Variants in ASB9 observed in about 807,000 individuals in gnomAD.
ASB9 encodes ankyrin repeat and SOCS box containing 9.
Under a neutral mutation model 16.6 loss-of-function variants are expected in ASB9, and 5 were observed. That is an observed-to-expected ratio of 0.30 (90% CI 0.16 to 0.63). The LOEUF (loss-of-function observed/expected upper bound fraction) is 0.63. ASB9 is among the 30% of genes least tolerant of loss of function. The pLI is 0.82. For synonymous variants in ASB9, 100 were observed against 86.4 expected (o/e 1.16, Z -0.87); for missense variants, 216 against 229.4 (o/e 0.94, Z 0.38).
chrX:15,265,184 T>C (rs766059602), intron 1 of ASB9, among the ~76,000 whole-genome samples: 2 of 111,691 alleles, frequency 1.8e-5, no homozygotes, highest in African/African-American at 6.5e-5. Flanking sequence ...TTCTGAGGTA[T>C]CTGGCTTCTA....
At chrX:15,245,774 G>A (rs1363524228) in intron 6 of ASB9, among the ~76,000 whole-genome samples, 2 of 112,060 alleles carry the variant, frequency 1.8e-5, no homozygotes, top group African/African-American at 6.5e-5. Flanking sequence ...AAAGGATACT[G>A]TGGTCTCTAT....
rs766303418 is a variant in ASB9, at chrX:15,256,114, T to C, written c.175-1270A>G. ...CTAGGAATGGTTTCTACATTTTTAA[T>C]GGTTTAAAAGAAATCAAAGGAATAT... is the stretch of plus-strand genomic sequence containing the variant. On this transcript the variant is annotated intron_variant, in intron 2 of 6. Transcript: ENST00000380488. 2.7e-5 allele frequency among the ~76,000 whole-genome samples: 3 copies of C among 110,941 alleles called. No individual in the cohort carries two copies. In the East Asian group the frequency reaches 8.5e-4, roughly 31 times the overall value.
chrX:15,250,678 A>G, intron 4 of ASB9, 114 bp from the exon 5 acceptor site: 1 of 643,314 alleles, frequency 1.6e-6, no homozygotes, highest in Non-Finnish European at 2.3e-6. Flanking sequence ...GGGGACCAAA[A>G]AGCTATTTCC....
chrX:15,252,353 T>C lies in ASB9; in HGVS notation c.334A>G (p.Ser112Gly), dbSNP rs1014376815. 1.7e-6 allele frequency: 2 copies of C among 1,209,655 alleles called. No individual in the cohort carries two copies. The highest frequency in any genetic ancestry group is 2.2e-6 in the Non-Finnish European group (2 of 895,051). The change falls in exon 4 of 7, where the codon AGC becomes GGC. Residue 112 changes from serine (S) to glycine (G), a missense_variant. Transcript: ENST00000380488. ...AAATTCACACAATCCCAGCTGCCGCTGACACAAGCATTAAACAGTGGAGTG... is the reference window on the plus strand; with the variant it reads ...AAATTCACACAATCCCAGCTGCCGCCGACACAAGCATTAAACAGTGGAGTG... ...WHTPLFNACVSGSWDCVNLLL... is the reference protein window; with the variant it reads ...WHTPLFNACVGGSWDCVNLLL...
chrX:15,247,288 C>T (rs747592956), intron 6 of ASB9, among the ~76,000 whole-genome samples: 7 of 112,005 alleles, frequency 6.2e-5, no homozygotes, highest in African/African-American at 1.9e-4. Context: ...GCAAATGACA[C>T]CTCATAAACT....
chrX:15,262,782 C>G (rs1034485372), intron 1 of ASB9, among the ~76,000 whole-genome samples: 1 of 111,751 alleles, frequency 8.9e-6, no homozygotes, highest in Non-Finnish European at 1.9e-5. Flanking sequence ...CAGGTGCACA[C>G]CATCACACTC....
intron 1 of ASB9, among the ~76,000 whole-genome samples, chrX:15,259,610 G>A (rs1397248745): frequency 1.8e-5 from 2 of 112,420 alleles, no homozygotes; most frequent in Non-Finnish European, 3.8e-5. Context: ...GAAAGGCCCA[G>A]TGCCGCAGTT....
At chrX:15,266,182 G>A (rs1043326512) in intron 1 of ASB9, among the ~76,000 whole-genome samples, 10 of 111,054 alleles carry the variant, frequency 9.0e-5, no homozygotes, top group African/African-American at 2.9e-4. Context: ...CAAGTGATCC[G>A]CCCACCTCAG....
chrX:15,260,204 G>A (rs1367176193), intron 1 of ASB9, among the ~76,000 whole-genome samples: 2 of 112,048 alleles, frequency 1.8e-5, no homozygotes. Context: ...TTCGAGACCA[G>A]CCTTGCAACA....
Position 15,268,209 on chromosome X carries a change from A to G in ASB9, c.94+1572T>C, listed in dbSNP as rs1052713920. On this transcript the variant is annotated intron_variant, in intron 1 of 6. Transcript: ENST00000380488. ...TAGCCGGGTGTGGTGGCGGGCGCTT[A>G]TAATCCCAGCTACTCGGGAGGCTGA... is the stretch of plus-strand genomic sequence containing the variant. 6.5e-5 allele frequency among the ~76,000 whole-genome samples: 7 copies of G among 107,316 alleles called. No homozygotes were observed. In the East Asian group the frequency reaches 2.2e-3, roughly 33 times the overall value. The allele number at this position is 107,316 out of a possible 115,157, so 93.2% of individuals were successfully genotyped here.
At chrX:15,258,842 T>G in intron 2 of ASB9, 24 bp downstream of exon 2, 1 of 1,149,803 alleles carries the variant, frequency 8.7e-7, no homozygotes, top group Non-Finnish European at 1.2e-6. Context: ...AGGTTTCTTC[T>G]GTATTGTATT....
chrX:15,246,264 A>C (rs1924658836), intron 6 of ASB9, among the ~76,000 whole-genome samples: 1 of 111,915 alleles, frequency 8.9e-6, no homozygotes, highest in South Asian at 3.8e-4. Context: ...GCTGCTGTTT[A>C]CTACAAGTAA....
chrX:15,269,782 G>A lies in ASB9; in HGVS notation c.93C>T (p.Gly31=), dbSNP rs772202884. 1.7e-6 allele frequency: 2 copies of A among 1,204,388 alleles called. No homozygotes were observed. The highest frequency in any genetic ancestry group is 1.8e-5 in the South Asian group (1 of 55,732). ...GIRLLSNPLM[G]DAVSDWSPMH... ...GATTCCACTGCCCCTATGACTCACC[G>A]CCCATCAATGGGTTTGAAAGAAGCC... Residue 31 remains glycine, a splice_region_variant and synonymous_variant, in exon 1 of 7, where the codon GGC becomes GGT. Coordinates refer to ENST00000380488, the MANE Select transcript of ASB9 (RefSeq NM_001031739.3).
intron 6 of ASB9, among the ~76,000 whole-genome samples, chrX:15,246,362 A>AAT (rs769786466): frequency 8.9e-6 from 1 of 112,592 alleles, no homozygotes; most frequent in South Asian, 3.7e-4. Flanking sequence ...GGCACCTGCA[A>AAT]ATATTCAAGG....
At chrX:15,255,835 T>C (rs1925488479) in intron 2 of ASB9, among the ~76,000 whole-genome samples, 1 of 112,068 alleles carries the variant, frequency 8.9e-6, no homozygotes, top group Non-Finnish European at 1.9e-5. Context: ...TGTACTTTCT[T>C]ATTTTAGGAA....
chrX:15,263,346 A>G (rs1926123670), intron 1 of ASB9, among the ~76,000 whole-genome samples: 1 of 111,241 alleles, frequency 9.0e-6, no homozygotes, highest in Non-Finnish European at 1.9e-5. Context: ...CAGAACCTGG[A>G]AAGTATCTGG....
chrX:15,253,113 A>G (rs1237929817), intron 3 of ASB9, among the ~76,000 whole-genome samples: 3 of 110,980 alleles, frequency 2.7e-5, no homozygotes, highest in Non-Finnish European at 5.7e-5. Flanking sequence ...ATGCGCCTGT[A>G]GTCCCAGCTA....
chrX:15,251,970 C>T (rs1297902242), intron 4 of ASB9, among the ~76,000 whole-genome samples: 2 of 112,045 alleles, frequency 1.8e-5, no homozygotes, highest in African/African-American at 6.5e-5. Flanking sequence ...ATTCAAAATG[C>T]TCTAAAAGGG....
At chrX:15,261,459 T>C (rs191015632) in intron 1 of ASB9, among the ~76,000 whole-genome samples, 1 of 111,835 alleles carries the variant, frequency 8.9e-6, no homozygotes, top group East Asian at 2.8e-4. Context: ...GTCGACAGGC[T>C]AAACAGTCCA....
Sources: allele counts gnomAD v4.1 joint callset (sites outside exome capture counted in the v4.1 genomes callset), GRCh38; gene constraint gnomAD v4.1.1; transcripts MANE v1.5; gene names NCBI Gene and HGNC (gene_info 2026-07-23, HGNC 2026-07-21).